CNN1: variants seen among roughly 807,000 people sequenced by gnomAD.
The protein encoded by CNN1 is calponin 1, also known as calponin-1.
CNN1 carries 21 observed loss-of-function variants against 35.3 expected under a neutral mutation model. The observed-to-expected ratio is 0.60, with a 90% CI of 0.42 to 0.86. CNN1 has a LOEUF of 0.86. Ranked by LOEUF, CNN1 falls within the 40% of genes least tolerant of loss-of-function variation. The pLI is 0.00. For synonymous variants in CNN1, 164 were observed against 161.8 expected (o/e 1.01, Z -0.10); for missense variants, 314 against 400.8 (o/e 0.78, Z 1.85).
intron 2 of CNN1, among the ~76,000 whole-genome samples, chr19:11,546,343 C>CTT (rs1261796219): frequency 1.6e-4 from 22 of 139,700 alleles, no homozygotes; most frequent in African/African-American, 2.9e-4. Context: ...ACCTTTCTTT[C>CTT]TTTTTTTTTT....
Position 11,546,662 on chromosome 19 carries a change from C to T in CNN1, c.186-13C>T, listed in dbSNP as rs765805836. 6.2e-7 allele frequency: 1 copy of T among 1,614,144 alleles called. No individual in the cohort carries two copies. The highest frequency in any genetic ancestry group is 1.7e-5 in the Admixed American group (1 of 60,014). The stretch of plus-strand genomic sequence containing the variant: ...GGGGGACACCTTTCTTACCCCTTCC[C>T]CACTCTTCTCAGATTCATCAATAAG... On this transcript the variant is annotated splice_polypyrimidine_tract_variant and intron_variant, in intron 2 of 6. Coordinates refer to ENST00000252456, the MANE Select transcript of CNN1 (RefSeq NM_001299.6).
At chr19:11,547,712 C>A in intron 4 of CNN1, 85 bp from the exon 5 acceptor site, 1 of 1,111,308 alleles carries the variant, frequency 9.0e-7, no homozygotes, top group South Asian at 1.4e-5. Context: ...GACTCTGTGT[C>A]AACAACAACA....
At chr19:11,541,298 T>C in intron 2 of CNN1, 101 bp downstream of exon 2, 1 of 1,417,826 alleles carries the variant, frequency 7.1e-7, no homozygotes, top group Non-Finnish European at 9.4e-7. Flanking sequence ...AGTTGAACAC[T>C]TTCTATTGGA....
Position 11,546,926 on chromosome 19 carries a change from A to C in CNN1, c.347A>C (p.Asn116Thr). Residue 116 changes from asparagine (N) to threonine (T), a missense_variant, in exon 4 of 7, where the codon AAC becomes ACC. Transcript: ENST00000252456. ...FEANDLFENT[N>T]HTQVQSTLLA... ...GCCAACGACCTGTTTGAGAACACCAACCATACACAGGTGCAGTCCACCCTC... is the reference window on the plus strand; with the variant it reads ...GCCAACGACCTGTTTGAGAACACCACCCATACACAGGTGCAGTCCACCCTC... The C allele has an allele frequency of 6.2e-7, 1 of 1,614,090 alleles. No individual in the cohort carries two copies. Among genetic ancestry groups the C allele is most frequent in the Non-Finnish European group, 8.5e-7 (1 of 1,180,016 alleles).
rs771349408 is a variant in CNN1 at position 11,546,891 on chromosome 19, C to T, written c.312C>T (p.Asp104=). The stretch of plus-strand genomic sequence containing the variant: ...CCAAGTATGGGGTGAAGCCCCACGA[C>T]ATTTTTGAGGCCAACGACCTGTTTG... ...AITKYGVKPH[D]IFEANDLFEN... Residue 104 remains aspartate (D), a synonymous_variant, in exon 4 of 7, where the codon GAC becomes GAT. Transcript: ENST00000252456. The T allele has an allele frequency of 1.9e-6, 3 of 1,614,258 alleles. No homozygotes were observed. Among genetic ancestry groups the T allele is most frequent in the African/African-American group, 2.7e-5 (2 of 75,076 alleles).
chr19:11,544,934 C>G (rs1434574125), intron 2 of CNN1, among the ~76,000 whole-genome samples: 1 of 152,072 alleles, frequency 6.6e-6, no homozygotes, highest in Non-Finnish European at 1.5e-5. Context: ...GGCAGTGGCT[C>G]ATGCCTGTAA....
chr19:11,539,744 A>T, intron 1 of CNN1: 1 of 997,764 alleles, frequency 1.0e-6, no homozygotes, highest in Non-Finnish European at 1.3e-6. Context: ...GGCTTTTCCC[A>T]GGGTCCCATG....
chr19:11,539,292 TA>T (rs1418479152), intron 1 of CNN1: 52 of 1,158,446 alleles, frequency 4.5e-5, no homozygotes, highest in Non-Finnish European at 2.8e-5. Flanking sequence ...GGGAACAACA[TA>T]GGGGGAAGAC....
chr19:11,539,093 G>C, intron 1 of CNN1, 103 bp downstream of exon 1: 1 of 1,142,380 alleles, frequency 8.8e-7, no homozygotes, highest in South Asian at 2.1e-5. Context: ...TATGTGACTT[G>C]GAAACTGAGA....
At chr19:11,548,130 G>C (rs1335068597) in intron 5 of CNN1, among the ~76,000 whole-genome samples, 1 of 152,186 alleles carries the variant, frequency 6.6e-6, no homozygotes, top group Non-Finnish European at 1.5e-5. Context: ...CTGAGACCCG[G>C]AGAAGCTGGC....
In CNN1 at chr19:11,549,448, C is replaced by T. The variant is rs1568417877; in HGVS notation, c.627C>T (p.Gly209=). 6.2e-7 allele frequency: 1 copy of T among 1,614,098 alleles called. No homozygotes were observed. The highest frequency in any genetic ancestry group is 2.2e-5 in the East Asian group (1 of 44,862). ...LDQATISLQM[G]TNKGASQAGM... ...AGGCGACCATCAGCCTGCAGATGGGCACCAACAAAGGAGCCAGCCAGGTGA... is the reference window on the plus strand; with the variant it reads ...AGGCGACCATCAGCCTGCAGATGGGTACCAACAAAGGAGCCAGCCAGGTGA... The change falls in exon 6 of 7, where the codon GGC becomes GGT. Residue 209 remains glycine, a synonymous_variant. Transcript: ENST00000252456. The surrounding 1 kb of genome is among the most constrained non-coding windows in gnomAD (Gnocchi z 5.2).
At chr19:11,539,593 C>A in intron 1 of CNN1, 1 of 865,088 alleles carries the variant, frequency 1.2e-6, no homozygotes. Flanking sequence ...ACCCTGGACT[C>A]ACCCCCCATA....
intron 1 of CNN1, chr19:11,539,448 G>A (rs1972410025): frequency 9.3e-7 from 1 of 1,078,752 alleles, no homozygotes; most frequent in South Asian, 2.3e-5. Flanking sequence ...GGCATCAGAA[G>A]TGCGGCAGGG....
At chr19:11,543,213 G>T (rs1972503194) in intron 2 of CNN1, among the ~76,000 whole-genome samples, 1 of 152,032 alleles carries the variant, frequency 6.6e-6, no homozygotes, top group African/African-American at 2.4e-5. Context: ...AGCTTGGCAT[G>T]GTGGCATGCG....
intron 2 of CNN1, 117 bp downstream of exon 2, chr19:11,541,314 T>C: frequency 1.5e-6 from 2 of 1,340,262 alleles, no homozygotes; most frequent in Non-Finnish European, 1.0e-6. Context: ...TTGGATACCT[T>C]TGGGGTGGCC....
Position 11,539,759 on chromosome 19 carries a change from G to C in CNN1, c.63+769G>C, listed in dbSNP as rs13344579. Reference sequence around the variant, plus strand: ...GGCTTTTCCCAGGGTCCCATGGTGAGGAAGTGGGGGACTGGGTTGGAACCT... The same window carrying C: ...GGCTTTTCCCAGGGTCCCATGGTGACGAAGTGGGGGACTGGGTTGGAACCT... On this transcript the variant is annotated intron_variant, in intron 1 of 6. Coordinates refer to ENST00000252456, the MANE Select transcript of CNN1 (RefSeq NM_001299.6). 4,459 of 1,097,922 alleles carry C rather than the reference G, an allele frequency of 4.1e-3. 134 individuals carry two copies. The African/African-American group carries it at 0.065, about 16-fold the overall frequency. The allele number at this position is 1,097,922 out of a possible 1,614,324, so 68.0% of individuals were successfully genotyped here.
In CNN1 at chr19:11,549,244, A is replaced by G; in HGVS notation, c.502-79A>G. 1 of 1,469,272 alleles carries G rather than the reference A, an allele frequency of 6.8e-7. No individual in the cohort carries two copies. Among genetic ancestry groups the G allele is most frequent in the Non-Finnish European group, 9.2e-7 (1 of 1,084,072 alleles). The allele number at this position is 1,469,272 out of a possible 1,614,324, so 91.0% of individuals were successfully genotyped here. On this transcript the variant is annotated intron_variant, in intron 5 of 6. Transcript: ENST00000252456. The surrounding 1 kb of genome is among the most constrained non-coding windows in gnomAD (Gnocchi z 5.2). ...GAAAAAAATGATAAAGCGGCGCCTCATCCTCTCCCATCAGCTATGCCTCAT... is the reference window on the plus strand; with the variant it reads ...GAAAAAAATGATAAAGCGGCGCCTCGTCCTCTCCCATCAGCTATGCCTCAT...
chr19:11,538,923 C>A lies in CNN1; in HGVS notation c.-5C>A. The stretch of plus-strand genomic sequence containing the variant: ...CACTGCCCCCGCCAGAGCCCACCGG[C>A]CAGCATGTCCTCTGCTCACTTCAAC... On this transcript the variant is annotated 5_prime_UTR_variant, in exon 1 of 7. Transcript: ENST00000252456. 6.4e-7 allele frequency: 1 copy of A among 1,566,850 alleles called. No homozygotes were observed. Among genetic ancestry groups the A allele is most frequent in the Non-Finnish European group, 8.7e-7 (1 of 1,154,406 alleles).
rs59790296 is a variant in CNN1 at position 11,541,698 on chromosome 19, C to T, written c.185+501C>T. 4.3e-3 allele frequency among the ~76,000 whole-genome samples: 648 copies of T among 152,290 alleles called. 6 individuals are homozygous for T. The highest frequency in any genetic ancestry group is 0.015 in the African/African-American group (626 of 41,568). ...CCGCCTCCAGGGTTTAAGTGATTCT[C>T]CTGCCTCAGCCTCCCCAATAGCTGG... On this transcript the variant is annotated intron_variant, in intron 2 of 6. Coordinates refer to ENST00000252456, the MANE Select transcript of CNN1 (RefSeq NM_001299.6).
Sources: gnomAD v4.1 joint callset for allele counts (sites outside exome capture counted in the v4.1 genomes callset) on GRCh38, gnomAD v4.1.1 for gene constraint, Gnocchi (gnomAD v3.1) non-coding constraint, MANE v1.5 for transcripts, NCBI Gene and HGNC (gene_info 2026-07-23, HGNC 2026-07-21) for gene names.